Variants in LYPLAL1 observed in about 807,000 individuals in gnomAD.
The protein encoded by LYPLAL1 is lysophospholipase-like protein 1.
In LYPLAL1, 23 loss-of-function variants were observed where a neutral mutation model predicts 19.7. The ratio of observed to expected loss-of-function variants is 1.17; its 90% confidence interval spans 0.84 to 1.65. The LOEUF (loss-of-function observed/expected upper bound fraction) is 1.65. Among genes scored for constraint, LYPLAL1 ranks in the 40% most tolerant of loss-of-function variants. The pLI is 0.00. For synonymous variants in LYPLAL1, 119 were observed against 96.3 expected, an observed-to-expected ratio of 1.24 and a Z score of -1.38; for missense variants, 355 against 279.4, an observed-to-expected ratio of 1.27 and a Z score of -1.93.
At chr1:219,282,727 T>C in the LYPLAL1 span, among the ~76,000 whole-genome samples, 6 of 152,054 alleles carry the variant, frequency 3.9e-5, no homozygotes, top group African/African-American at 1.2e-4. Context: ...CTATTTTTTT[T>C]CCAAAAAAAA....
At chr1:219,369,705 T>G in the LYPLAL1 span, among the ~76,000 whole-genome samples, 2 of 152,258 alleles carry the variant, frequency 1.3e-5, no homozygotes, top group Non-Finnish European at 2.9e-5. Flanking sequence ...CAATATGTCC[T>G]GGTCATATGC....
At chr1:219,351,728 A>G in the LYPLAL1 span, among the ~76,000 whole-genome samples, 1 of 152,246 alleles carries the variant, frequency 6.6e-6, no homozygotes, top group Non-Finnish European at 1.5e-5. Flanking sequence ...GCAAAACAGA[A>G]GATGTTTTTG....
the LYPLAL1 span, among the ~76,000 whole-genome samples, chr1:219,374,253 C>G: frequency 6.6e-6 from 1 of 151,542 alleles, no homozygotes; most frequent in African/African-American, 2.4e-5. Context: ...CAGAGAACGG[C>G]TGAATCTTTA....
chr1:219,291,102 T>TA, the LYPLAL1 span, among the ~76,000 whole-genome samples: 1 of 152,198 alleles, frequency 6.6e-6, no homozygotes, highest in Non-Finnish European at 1.5e-5. Context: ...ATAAAGTGCC[T>TA]AAAATAACAC....
chr1:219,382,930 G>A, the LYPLAL1 span, among the ~76,000 whole-genome samples: 10 of 151,098 alleles, frequency 6.6e-5, no homozygotes, highest in Middle Eastern at 3.4e-3. Flanking sequence ...CCACCTACTC[G>A]GTGCAATATT....
the LYPLAL1 span, among the ~76,000 whole-genome samples, chr1:219,321,133 C>CT: frequency 6.6e-6 from 1 of 152,160 alleles, no homozygotes; most frequent in Non-Finnish European, 1.5e-5. Context: ...GATTGCCACT[C>CT]TAACTGGTGT....
chr1:219,433,872 T>C, the LYPLAL1 span, among the ~76,000 whole-genome samples: 1 of 152,242 alleles, frequency 6.6e-6, no homozygotes, highest in Non-Finnish European at 1.5e-5. Context: ...GTTCATCAAT[T>C]GTTTGTCGAA....
chr1:219,377,903 T>C, the LYPLAL1 span, among the ~76,000 whole-genome samples: 63 of 152,268 alleles, frequency 4.1e-4, no homozygotes, highest in Admixed American at 3.8e-3. Context: ...AGAGTAAATA[T>C]TGTGGCTTTG....
chr1:219,188,392 T>A (rs1359513093), intron 2 of LYPLAL1, among the ~76,000 whole-genome samples: 2 of 151,690 alleles, frequency 1.3e-5, no homozygotes, highest in Non-Finnish European at 2.9e-5. Context: ...GAGACCTAAA[T>A]GAACAGTCGG....
At chr1:219,425,040 A>G in the LYPLAL1 span, among the ~76,000 whole-genome samples, 1 of 152,210 alleles carries the variant, frequency 6.6e-6, no homozygotes, top group Admixed American at 6.5e-5. Flanking sequence ...TAGTTTATCA[A>G]CAATATAAAT....
intron 2 of LYPLAL1, among the ~76,000 whole-genome samples, chr1:219,185,647 T>A (rs1280574639): frequency 6.6e-6 from 1 of 151,924 alleles, no homozygotes; most frequent in Admixed American, 6.6e-5. Flanking sequence ...GGGCCTCTCC[T>A]ATGGGAAAAC....
At chr1:219,297,773 G>A in the LYPLAL1 span, among the ~76,000 whole-genome samples, 3 of 152,152 alleles carry the variant, frequency 2.0e-5, no homozygotes, top group Non-Finnish European at 4.4e-5. Context: ...CTCTGGAAGC[G>A]ATAAAGAGGG....
chr1:219,218,992 G>T, the LYPLAL1 span, among the ~76,000 whole-genome samples: 1 of 152,036 alleles, frequency 6.6e-6, no homozygotes, highest in Non-Finnish European at 1.5e-5. Context: ...TTCCTGCTTT[G>T]TCCAAAACAT....
the LYPLAL1 span, among the ~76,000 whole-genome samples, chr1:219,405,462 G>A: frequency 6.6e-6 from 1 of 152,076 alleles, no homozygotes; most frequent in Non-Finnish European, 1.5e-5. Context: ...AAGAAAAATG[G>A]TACATCTCTG....
chr1:219,184,087 A>G (rs1278792514), intron 2 of LYPLAL1, among the ~76,000 whole-genome samples: 1 of 151,890 alleles, frequency 6.6e-6, no homozygotes, highest in Non-Finnish European at 1.5e-5. Flanking sequence ...CTTCAATTTT[A>G]CAAAACACCT....
chr1:219,243,192 C>G, the LYPLAL1 span, among the ~76,000 whole-genome samples: 2 of 152,228 alleles, frequency 1.3e-5, no homozygotes, highest in Middle Eastern at 3.4e-3. Context: ...GCTTTACCAA[C>G]AGAATGGTGA....
downstream of LYPLAL1, among the ~76,000 whole-genome samples, chr1:219,214,734 C>G (rs879531008): frequency 2.4e-3 from 316 of 131,288 alleles, 1 homozygote; most frequent in Non-Finnish European, 3.7e-3. Flanking sequence ...GTCACCTAGT[C>G]TACTAGAGTA....
the LYPLAL1 span, among the ~76,000 whole-genome samples, chr1:219,287,050 A>G: frequency 1.3e-5 from 2 of 152,282 alleles, no homozygotes; most frequent in East Asian, 1.9e-4. Context: ...TCTACCATGC[A>G]TTTACTCAGC....
At chr1:219,375,649 C>T in the LYPLAL1 span, among the ~76,000 whole-genome samples, 1 of 151,716 alleles carries the variant, frequency 6.6e-6, no homozygotes, top group African/African-American at 2.4e-5. Context: ...AACATTTATC[C>T]TAAAATTCAT....
Sources: allele counts gnomAD v4.1 joint callset (sites outside exome capture counted in the v4.1 genomes callset), GRCh38; gene constraint gnomAD v4.1.1; transcripts MANE v1.5; gene names NCBI Gene and HGNC (gene_info 2026-07-23, HGNC 2026-07-21).